SERPINI1: variants seen among roughly 807,000 people sequenced by gnomAD.
SERPINI1 encodes the protein neuroserpin.
Under a neutral mutation model 41.1 loss-of-function variants are expected in SERPINI1, and 19 were observed. The observed-to-expected ratio is 0.46, with a 90% CI of 0.32 to 0.68. SERPINI1 has a LOEUF of 0.68. Among genes scored for constraint, SERPINI1 ranks in the 30% least tolerant of loss-of-function variants. The probability of loss-of-function intolerance (pLI) is 0.03; values close to 1 mark genes in which losing one functional copy is unlikely to be tolerated. For missense variants in SERPINI1, 460 were observed against 479.2 expected, an observed-to-expected ratio of 0.96 and a Z score of 0.37; for synonymous variants, 138 against 156.6, an observed-to-expected ratio of 0.88 and a Z score of 0.89.
Position 167,775,537 on chromosome 3 carries a change from G to A in SERPINI1, c.-18-13574G>A, listed in dbSNP as rs192074717. On this transcript the variant is annotated intron_variant, in intron 1 of 8. Coordinates refer to ENST00000446050, the MANE Select transcript of SERPINI1 (RefSeq NM_001122752.2). Reference sequence around the variant, plus strand: ...TGTTTATTAGCAAAACAATTGGGGAGCAACTTTATATCTGAGTATTTTTAG... The same window carrying A: ...TGTTTATTAGCAAAACAATTGGGGAACAACTTTATATCTGAGTATTTTTAG... Among the ~76,000 whole-genome samples the A allele has an allele frequency of 3.4e-4, 51 of 152,124 alleles. No individual in the cohort carries two copies. The East Asian group carries it at 8.5e-3, about 25-fold the overall frequency.
Position 167,808,154 on chromosome 3 carries a change from A to G in SERPINI1, c.979+813A>G, listed in dbSNP as rs542156036. 2.0e-5 allele frequency among the ~76,000 whole-genome samples: 3 copies of G among 151,618 alleles called. No homozygotes were observed. The South Asian group carries it at 6.2e-4, about 31-fold the overall frequency. ...AATGATAATAAATAAATAAATAAAT[A>G]AATAAATAGTGGTTTTAAAGAAGTA... On this transcript the variant is annotated intron_variant, in intron 6 of 8. Coordinates refer to ENST00000446050, the MANE Select transcript of SERPINI1 (RefSeq NM_001122752.2).
intron 5 of SERPINI1, among the ~76,000 whole-genome samples, chr3:167,804,585 C>A (rs777289315): frequency 1.2e-4 from 18 of 152,154 alleles, no homozygotes; most frequent in Non-Finnish European, 2.4e-4. Flanking sequence ...GTAGTCCTAG[C>A]TACTCAGGAG....
chr3:167,800,784 T>C (rs1229322986), intron 5 of SERPINI1, among the ~76,000 whole-genome samples: 1 of 151,556 alleles, frequency 6.6e-6, no homozygotes, highest in Admixed American at 6.6e-5. Flanking sequence ...GTCTGCTTTT[T>C]TGTTGTTGCT....
At chr3:167,775,633 C>T (rs13073396) in intron 1 of SERPINI1, among the ~76,000 whole-genome samples, 3 of 151,898 alleles carry the variant, frequency 2.0e-5, no homozygotes, top group Non-Finnish European at 4.4e-5. Context: ...AAATTAGAAA[C>T]TGTAATATGT....
intron 1 of SERPINI1, among the ~76,000 whole-genome samples, chr3:167,779,744 C>T (rs970627959): frequency 2.0e-5 from 3 of 152,030 alleles, no homozygotes; most frequent in Admixed American, 6.6e-5. Context: ...TGGCCATTTT[C>T]TCAAGTTCAT....
intron 1 of SERPINI1, among the ~76,000 whole-genome samples, chr3:167,771,502 T>G (rs1388783012): frequency 6.6e-6 from 1 of 152,158 alleles, no homozygotes; most frequent in African/African-American, 2.4e-5. Flanking sequence ...GAAGATAACT[T>G]TGGTTGGTTT....
At chr3:167,784,824 C>T (rs1412539777) in intron 1 of SERPINI1, among the ~76,000 whole-genome samples, 2 of 152,136 alleles carry the variant, frequency 1.3e-5, no homozygotes, top group Non-Finnish European at 2.9e-5. Context: ...GGGGACATAG[C>T]AAAACCATAT....
intron 6 of SERPINI1, among the ~76,000 whole-genome samples, chr3:167,816,284 G>A (rs1712086810): frequency 1.3e-5 from 2 of 152,048 alleles, no homozygotes; most frequent in South Asian, 2.1e-4. Context: ...AGCCCCAAGC[G>A]ATCAGCCTGC....
At position 167,794,756 on chromosome 3, in the gene SERPINI1, C is replaced by T. The variant is rs1727657101; in HGVS notation, c.813C>T (p.Val271=). 1 of 1,613,480 alleles carries T rather than the reference C, an allele frequency of 6.2e-7. No homozygotes were observed. Among genetic ancestry groups the T allele is most frequent in the Non-Finnish European group, 8.5e-7 (1 of 1,179,804 alleles). Reference sequence around the variant, plus strand: ...CTCTTGCTACTCTGGAGCCATTAGTCAAAGCACAGCTGGTTGAAGAATGGG... The same window carrying T: ...CTCTTGCTACTCTGGAGCCATTAGTTAAAGCACAGCTGGTTGAAGAATGGG... ...EVPLATLEPL[V]KAQLVEEWAN... The change falls in exon 5 of 9, where the codon GTC becomes GTT. Residue 271 remains valine (V), a synonymous_variant. Coordinates refer to ENST00000446050, the MANE Select transcript of SERPINI1 (RefSeq NM_001122752.2).
intron 1 of SERPINI1, among the ~76,000 whole-genome samples, chr3:167,757,497 A>ATCTC (rs71176653): frequency 5.3e-5 from 8 of 151,316 alleles, no homozygotes; most frequent in African/African-American, 1.7e-4. Context: ...AATTAGTGAG[A>ATCTC]TCTCTCTCTC....
At chr3:167,785,354 A>G (rs1727271950) in intron 1 of SERPINI1, among the ~76,000 whole-genome samples, 1 of 152,202 alleles carries the variant, frequency 6.6e-6, no homozygotes. Flanking sequence ...GAGAGAATTC[A>G]TGTGACTTGC....
At chr3:167,736,898 G>A (rs1432281920) in intron 1 of SERPINI1, among the ~76,000 whole-genome samples, 3 of 152,016 alleles carry the variant, frequency 2.0e-5, no homozygotes, top group Non-Finnish European at 2.9e-5. Context: ...TTGTTACAGA[G>A]GTTCCCAGAT....
intron 5 of SERPINI1, among the ~76,000 whole-genome samples, chr3:167,799,650 C>G (rs1413213418): frequency 3.9e-5 from 6 of 152,290 alleles, no homozygotes; most frequent in East Asian, 1.9e-4. Flanking sequence ...CTAATTTACA[C>G]TCCCACCAAC....
At chr3:167,767,089 A>G (rs1346658333) in intron 1 of SERPINI1, among the ~76,000 whole-genome samples, 2 of 152,250 alleles carry the variant, frequency 1.3e-5, no homozygotes, top group Non-Finnish European at 1.5e-5. Context: ...GATAAAGTCA[A>G]TGTCTGGTTT....
chr3:167,824,338 G>T (rs776475347), intron 7 of SERPINI1, 135 bp from the exon 8 acceptor site: 4 of 644,890 alleles, frequency 6.2e-6, no homozygotes, highest in Non-Finnish European at 8.1e-6. Flanking sequence ...TTTTTCTCCA[G>T]TTAAGTCTTT....
At chr3:167,767,522 G>A (rs1399502827) in intron 1 of SERPINI1, among the ~76,000 whole-genome samples, 3 of 152,106 alleles carry the variant, frequency 2.0e-5, no homozygotes, top group Non-Finnish European at 4.4e-5. Context: ...TATTTTGTAT[G>A]TTTATAGAGC....
intron 1 of SERPINI1, among the ~76,000 whole-genome samples, chr3:167,768,447 G>A (rs375431497): frequency 3.9e-5 from 6 of 152,006 alleles, no homozygotes; most frequent in African/African-American, 9.7e-5. Context: ...TTATTGTGGC[G>A]ACCTGGATCC....
intron 1 of SERPINI1, among the ~76,000 whole-genome samples, chr3:167,743,475 T>C (rs1405556395): frequency 1.3e-5 from 2 of 152,192 alleles, no homozygotes; most frequent in Non-Finnish European, 2.9e-5. Flanking sequence ...TAATCAAAGA[T>C]ACTGACTTGG....
rs114380206 is a variant in SERPINI1 at position 167,767,274 on chromosome 3, C to T, written c.-18-21837C>T. Reference sequence around the variant, plus strand: ...CAACACAACCTGAATGACAGCACATCTGTTTTGCAGCATGACTTAGTGGTT... The same window carrying T: ...CAACACAACCTGAATGACAGCACATTTGTTTTGCAGCATGACTTAGTGGTT... On this transcript the variant is annotated intron_variant, in intron 1 of 8. Transcript: ENST00000446050. Among the ~76,000 whole-genome samples the T allele has an allele frequency of 3.2e-3, 485 of 152,312 alleles. 2 individuals carry two copies. Among genetic ancestry groups the T allele is most frequent in the African/African-American group, 0.011 (468 of 41,578 alleles).
Sources: gnomAD v4.1 joint callset for allele counts (sites outside exome capture counted in the v4.1 genomes callset) on GRCh38, gnomAD v4.1.1 for gene constraint, MANE v1.5 for transcripts, NCBI Gene and HGNC (gene_info 2026-07-23, HGNC 2026-07-21) for gene names.